LPO: variants seen among roughly 807,000 people sequenced by gnomAD.
LPO encodes salivary peroxidase.
LPO carries 70 observed loss-of-function variants against 68.4 expected under a neutral mutation model. The ratio of observed to expected loss-of-function variants is 1.02; its 90% CI spans 0.84 to 1.25. The LOEUF is 1.25. Among genes scored for constraint, LPO ranks in the 50% most tolerant of loss-of-function variants. The pLI, the probability that LPO is intolerant of heterozygous loss-of-function variation, is 0.00. For synonymous variants in LPO, 360 were observed against 357.6 expected, an observed-to-expected ratio of 1.01 and a Z score of -0.08; for missense variants, 873 against 908.4, an observed-to-expected ratio of 0.96 and a Z score of 0.50.
intron 7 of LPO, 119 bp from the exon 8 acceptor site, chr17:58,252,063 T>C (rs769106780): frequency 3.8e-5 from 33 of 874,378 alleles, no homozygotes; most frequent in Non-Finnish European, 3.4e-5. Context: ...CAGTGTCTGG[T>C]ACCAGGGTCC....
chr17:58,256,451 G>T (rs1340443385), intron 9 of LPO, among the ~76,000 whole-genome samples: 1 of 151,008 alleles, frequency 6.6e-6, no homozygotes, highest in Admixed American at 6.6e-5. Flanking sequence ...TACATAGTAG[G>T]CGCCTATATG....
At chr17:58,241,847 T>C (rs1430309045) in intron 1 of LPO, among the ~76,000 whole-genome samples, 1 of 152,220 alleles carries the variant, frequency 6.6e-6, no homozygotes, top group African/African-American at 2.4e-5. Context: ...AGAGGTCTCC[T>C]GGTCTGGCCT....
chr17:58,239,288 G>A (rs945982156), intron 1 of LPO, among the ~76,000 whole-genome samples: 3 of 150,770 alleles, frequency 2.0e-5, no homozygotes, highest in South Asian at 4.2e-4. Flanking sequence ...TCAATGTCTA[G>A]TCCTAGCTGT....
intron 1 of LPO, among the ~76,000 whole-genome samples, chr17:58,241,899 C>T (rs867466110): frequency 3.3e-5 from 5 of 152,244 alleles, no homozygotes; most frequent in African/African-American, 7.2e-5. Context: ...GCAAGACATA[C>T]GGGGAAGTCT....
Position 58,266,285 on chromosome 17 carries a change from C to T in LPO, c.1652C>T (p.Ala551Val). ...CACAGGATCCATGGCTTTGACCTGG[C>T]TGCCATCAACACACAGCGTTGCCGG... ...PTHRIHGFDL[A>V]AINTQRCRDH... is the part of the protein sequence containing the mutation. The change falls in exon 11 of 13, where the codon GCT (alanine) becomes GTT (valine). Residue 551 changes from alanine to valine, a missense_variant. Ala to Val is a moderately conservative substitution (Grantham distance 64). Coordinates refer to ENST00000262290, the MANE Select transcript of LPO (RefSeq NM_006151.3). The T allele has an allele frequency of 1.2e-6, 2 of 1,614,166 alleles. No individual in the cohort carries two copies. The highest frequency in any genetic ancestry group is 4.5e-5 in the East Asian group (2 of 44,878).
intron 1 of LPO, among the ~76,000 whole-genome samples, chr17:58,241,016 A>C (rs1969744973): frequency 6.6e-6 from 1 of 152,188 alleles, no homozygotes; most frequent in African/African-American, 2.4e-5. Context: ...TCCATTGTGC[A>C]ACATGTGAAT....
chr17:58,257,663 G>A (rs959011207), intron 9 of LPO, among the ~76,000 whole-genome samples: 3 of 152,216 alleles, frequency 2.0e-5, no homozygotes, highest in Non-Finnish European at 4.4e-5. Context: ...ACCCAGTAGT[G>A]AGATTGCTGG....
chr17:58,239,973 G>A (rs367954122), intron 1 of LPO, among the ~76,000 whole-genome samples: 1 of 152,118 alleles, frequency 6.6e-6, no homozygotes. Flanking sequence ...ATTATGTATT[G>A]ACATGCTTAG....
intron 8 of LPO, among the ~76,000 whole-genome samples, chr17:58,253,187 G>C (rs923382164): frequency 6.6e-6 from 1 of 151,616 alleles, no homozygotes; most frequent in Non-Finnish European, 1.5e-5. Flanking sequence ...TTACATAATC[G>C]GGTCTTACTA....
chr17:58,264,820 A>G lies in LPO; in HGVS notation c.1365A>G (p.Arg455=). The part of the protein sequence containing the change: ...YQGYSESVDP[R]ISNVFTFAFR... Reference sequence around the variant, plus strand: ...GCTACAGTGAATCTGTGGATCCCAGAATTTCCAATGTCTTCACCTTCGCCT... The same window carrying G: ...GCTACAGTGAATCTGTGGATCCCAGGATTTCCAATGTCTTCACCTTCGCCT... Residue 455 remains arginine (R), a synonymous_variant, in exon 10 of 13, where the codon AGA becomes AGG. Coordinates refer to ENST00000262290, the MANE Select transcript of LPO (RefSeq NM_006151.3). 1 of 1,614,220 alleles carries G rather than the reference A, an allele frequency of 6.2e-7. No individual in the cohort carries two copies. The highest frequency in any genetic ancestry group is 8.5e-7 in the Non-Finnish European group (1 of 1,180,034).
chr17:58,249,855 C>T (rs1410656869), intron 6 of LPO, among the ~76,000 whole-genome samples, 160 bp downstream of exon 6: 1 of 152,004 alleles, frequency 6.6e-6, no homozygotes, highest in Non-Finnish European at 1.5e-5. Context: ...GGCAGCAGAG[C>T]TCGGAGCCCG....
chr17:58,252,273 C>T lies in LPO; in HGVS notation c.872C>T (p.Ser291Phe), dbSNP rs766630464. Residue 291 changes from serine (S) to phenylalanine (F), a missense_variant, in exon 8 of 13, where the codon TCC becomes TTC. Coordinates refer to ENST00000262290, the MANE Select transcript of LPO (RefSeq NM_006151.3). ...GTCTGCCCCACTCCACCCTACAAGT[C>T]CCTGGCCCGAGAGCAGATCAACGCT... ...GFVCPTPPYK[S>F]LAREQINALT... 6.2e-7 allele frequency: 1 copy of T among 1,614,204 alleles called. No homozygotes were observed. The highest frequency in any genetic ancestry group is 1.3e-5 in the African/African-American group (1 of 75,052).
intron 6 of LPO, 69 bp from the exon 7 acceptor site, chr17:58,250,346 G>A (rs1473025048): frequency 8.4e-7 from 1 of 1,192,470 alleles, no homozygotes; most frequent in South Asian, 1.2e-5. Context: ...TTAATAAGCT[G>A]TAGTTGCATC....
At chr17:58,263,248 T>C (rs1272284252) in intron 9 of LPO, among the ~76,000 whole-genome samples, 1 of 152,248 alleles carries the variant, frequency 6.6e-6, no homozygotes. Context: ...TAATTGATTA[T>C]TGAAGCATTT....
intron 9 of LPO, 75 bp from the exon 10 acceptor site, chr17:58,264,647 G>T: frequency 6.6e-7 from 1 of 1,525,058 alleles, no homozygotes; most frequent in South Asian, 1.2e-5. Flanking sequence ...CTTGGCTGCA[G>T]CTCTTTCACA....
intron 5 of LPO, 161 bp from the exon 6 acceptor site, chr17:58,249,405 G>T (rs1332556104): frequency 2.3e-5 from 27 of 1,165,830 alleles, no homozygotes; most frequent in Non-Finnish European, 3.2e-5. Flanking sequence ...GGAGCCCCGC[G>T]CCTTCAGGGG....
intron 9 of LPO, among the ~76,000 whole-genome samples, chr17:58,262,718 T>C (rs1439179923): frequency 6.6e-6 from 1 of 152,236 alleles, no homozygotes; most frequent in African/African-American, 2.4e-5. Flanking sequence ...AATTGGTGTT[T>C]CTTTATAGGT....
intron 4 of LPO, among the ~76,000 whole-genome samples, chr17:58,247,983 C>T (rs1048282364): frequency 2.6e-5 from 4 of 152,206 alleles, no homozygotes; most frequent in African/African-American, 7.2e-5. Flanking sequence ...TCCTAAGCCA[C>T]AGTGTCACCA....
At position 58,254,858 on chromosome 17, in the gene LPO, C is replaced by T. The variant is rs904805425; in HGVS notation, c.1153C>T (p.Leu385Phe). 1.2e-6 allele frequency: 2 copies of T among 1,614,166 alleles called. No homozygotes were observed. The highest frequency in any genetic ancestry group is 1.1e-5 in the South Asian group (1 of 91,088). Reference sequence around the variant, plus strand: ...TATTCTGCTGGCCACATCCCACACCCTCTTTCTCCGCGAGCATAACCGGCT... The same window carrying T: ...TATTCTGCTGGCCACATCCCACACCTTCTTTCTCCGCGAGCATAACCGGCT... ...EHILLATSHTLFLREHNRLAR... is the reference protein window; with the variant it reads ...EHILLATSHTFFLREHNRLAR... Residue 385 changes from leucine to phenylalanine, a missense_variant, in exon 9 of 13, where the codon CTC becomes TTC. Transcript: ENST00000262290.
Sources: allele counts gnomAD v4.1 joint callset (sites outside exome capture counted in the v4.1 genomes callset), GRCh38; gene constraint gnomAD v4.1.1; transcripts MANE v1.5; gene names NCBI Gene and HGNC (gene_info 2026-07-23, HGNC 2026-07-21).